The following AOPEP variants were observed in gnomAD, a reference collection of about 807,000 sequenced individuals.
AOPEP encodes the protein aminopeptidase O (putative).
A neutral mutation model predicts 98.1 loss-of-function variants in AOPEP; 77 were observed. That is an observed-to-expected ratio of 0.78 (90% confidence interval 0.65 to 0.95). The LOEUF (loss-of-function observed/expected upper bound fraction) is 0.95, where lower values mean the gene tolerates loss of function less well. AOPEP is among the 40% of genes least tolerant of loss of function. AOPEP has a pLI of 0.00. For synonymous variants in AOPEP, 346 were observed against 365.3 expected, an observed-to-expected ratio of 0.95 and a Z score of 0.60; for missense variants, 1,024 against 1,024.7, an observed-to-expected ratio of 1.00 and a Z score of 0.01.
chr9:95,044,252 A>C (rs2065624489), intron 13 of AOPEP, among the ~76,000 whole-genome samples: 1 of 152,204 alleles, frequency 6.6e-6, no homozygotes, highest in South Asian at 2.1e-4. Flanking sequence ...TTGTCTTTTA[A>C]AGTTGATTCT....
chr9:95,082,346 A>T (rs1319254602), intron 15 of AOPEP, among the ~76,000 whole-genome samples: 1 of 152,172 alleles, frequency 6.6e-6, no homozygotes. Flanking sequence ...GTCTGTGTAG[A>T]GAATTGGGAG....
chr9:95,060,021 A>C (rs2067190581), intron 13 of AOPEP, among the ~76,000 whole-genome samples: 1 of 152,194 alleles, frequency 6.6e-6, no homozygotes, highest in South Asian at 2.1e-4. Context: ...TGTTAAGACT[A>C]TCTCCTGTCT....
chr9:94,988,779 T>C (rs2060676611), intron 11 of AOPEP, among the ~76,000 whole-genome samples: 1 of 152,186 alleles, frequency 6.6e-6, no homozygotes, highest in Non-Finnish European at 1.5e-5. Flanking sequence ...GGATTAAAAC[T>C]GCAGATCCCG....
intron 5 of AOPEP, among the ~76,000 whole-genome samples, chr9:94,911,712 C>T (rs2052064358): frequency 1.3e-5 from 2 of 152,220 alleles, no homozygotes; most frequent in African/African-American, 4.8e-5. Flanking sequence ...AAATTGGCCT[C>T]GAATACATTA....
chr9:95,148,076 C>A, the AOPEP span, among the ~76,000 whole-genome samples: 1 of 152,204 alleles, frequency 6.6e-6, no homozygotes, highest in Non-Finnish European at 1.5e-5. Context: ...GAATCAGAGC[C>A]GAGACAGCCC....
chr9:94,897,132 T>C (rs1257620631), intron 5 of AOPEP, among the ~76,000 whole-genome samples: 1 of 152,012 alleles, frequency 6.6e-6, no homozygotes. Context: ...TGGGAAAAAA[T>C]TTTGAAGAGT....
intron 13 of AOPEP, among the ~76,000 whole-genome samples, chr9:95,050,735 T>G (rs1431458455): frequency 6.6e-6 from 1 of 152,152 alleles, no homozygotes; most frequent in African/African-American, 2.4e-5. Flanking sequence ...TGGCTAAAAT[T>G]TATGCTTAGT....
chr9:95,106,951 G>T, the AOPEP span: 1 of 1,016,246 alleles, frequency 9.8e-7, no homozygotes, highest in Non-Finnish European at 1.5e-6. Flanking sequence ...ATTTATCTGT[G>T]CTGGGCAGCA....
chr9:94,872,863 G>C (rs1043472684), intron 5 of AOPEP, among the ~76,000 whole-genome samples: 9 of 152,212 alleles, frequency 5.9e-5, no homozygotes, highest in Non-Finnish European at 1.0e-4. Flanking sequence ...ATCACTGGAA[G>C]TCGGGGCAGT....
intron 3 of AOPEP, among the ~76,000 whole-genome samples, chr9:94,778,266 C>T (rs1293015355): frequency 6.6e-6 from 1 of 152,126 alleles, no homozygotes; most frequent in African/African-American, 2.4e-5. Flanking sequence ...CATATATTTA[C>T]ACGATCTAGC....
intron 2 of AOPEP, among the ~76,000 whole-genome samples, chr9:94,768,334 T>C (rs1173762479): frequency 6.6e-6 from 1 of 152,066 alleles, no homozygotes; most frequent in Non-Finnish European, 1.5e-5. Context: ...TAGTGGAACT[T>C]AAAACATTTT....
At chr9:94,848,976 A>G (rs1004045186) in intron 5 of AOPEP, among the ~76,000 whole-genome samples, 1 of 152,078 alleles carries the variant, frequency 6.6e-6, no homozygotes, top group African/African-American at 2.4e-5. Context: ...GACGGGTTTT[A>G]CCATGTTGGC....
At chr9:94,989,978 G>A (rs2060791186) in intron 11 of AOPEP, among the ~76,000 whole-genome samples, 1 of 152,156 alleles carries the variant, frequency 6.6e-6, no homozygotes, top group Admixed American at 6.5e-5. Flanking sequence ...ATTGCGCTGG[G>A]TGGTTTGCAT....
chr9:94,905,776 T>G (rs1227584534), intron 5 of AOPEP, among the ~76,000 whole-genome samples: 2 of 152,040 alleles, frequency 1.3e-5, no homozygotes, highest in African/African-American at 2.4e-5. Context: ...CTATCAATGA[T>G]CAGATGATAA....
At chr9:94,854,570 A>G (rs1167198205) in intron 5 of AOPEP, among the ~76,000 whole-genome samples, 1 of 152,218 alleles carries the variant, frequency 6.6e-6, no homozygotes, top group African/African-American at 2.4e-5. Context: ...TATTTGCTGA[A>G]TGAATGGATT....
In AOPEP at chr9:94,848,451, C is replaced by CAAAA. The variant is rs35685082; in HGVS notation, c.1364+47468_1364+47471dup. Among the ~76,000 whole-genome samples, 28 of 75,770 alleles carry CAAAA rather than the reference C, an allele frequency of 3.7e-4. 1 individual carries two copies. The highest frequency in any genetic ancestry group is 1.3e-3 in the African/African-American group (22 of 16,368). The allele number at this position is 75,770 out of a possible 152,430, so 49.7% of individuals were successfully genotyped here. On this transcript the variant is annotated intron_variant, in intron 5 of 16. Transcript: ENST00000375315. ...TGGGCGACGGAGCGAGACTCCGTCTCAAAAAAAAAAAAAAAAAAAAAATTA... is the reference window on the plus strand; with the variant it reads ...TGGGCGACGGAGCGAGACTCCGTCTCAAAAAAAAAAAAAAAAAAAAAAAAAATTA...
intron 10 of AOPEP, among the ~76,000 whole-genome samples, chr9:94,971,622 A>G (rs1321617233): frequency 6.6e-6 from 1 of 152,148 alleles, no homozygotes; most frequent in Non-Finnish European, 1.5e-5. Flanking sequence ...GGTTTTTCAG[A>G]TTAGACCAGT....
intron 5 of AOPEP, among the ~76,000 whole-genome samples, chr9:94,818,877 C>A (rs182359298): frequency 2.6e-5 from 4 of 152,292 alleles, no homozygotes; most frequent in Non-Finnish European, 5.9e-5. Flanking sequence ...ACCTGTAGCC[C>A]CAGCCACTCG....
At chr9:95,026,074 G>A (rs2063813495) in intron 13 of AOPEP, among the ~76,000 whole-genome samples, 1 of 152,172 alleles carries the variant, frequency 6.6e-6, no homozygotes, top group African/African-American at 2.4e-5. Context: ...TTCTCATAAT[G>A]CTAATGGACT....
Sources: gnomAD v4.1 joint callset for allele counts (sites outside exome capture counted in the v4.1 genomes callset) on GRCh38, gnomAD v4.1.1 for gene constraint, MANE v1.5 for transcripts, NCBI Gene and HGNC (gene_info 2026-07-23, HGNC 2026-07-21) for gene names.